Variants in MAP4K5 observed in about 807,000 individuals in gnomAD.
MAP4K5 encodes the protein mitogen-activated protein kinase kinase kinase kinase 5.
A neutral mutation model predicts 135.6 loss-of-function variants in MAP4K5; 82 were observed. The observed-to-expected ratio is 0.60, with a 90% CI of 0.51 to 0.73. The LOEUF (loss-of-function observed/expected upper bound fraction) is 0.73, where lower values mean the gene tolerates loss of function less well. Ranked by LOEUF, MAP4K5 falls within the 30% of genes least tolerant of loss-of-function variation. The pLI is 0.00. For synonymous variants in MAP4K5, 347 were observed against 335.0 expected (o/e 1.04, Z -0.39); for missense variants, 907 against 1,010.9 (o/e 0.90, Z 1.39).
chr14:50,501,912 A>G (rs1444279046), intron 3 of MAP4K5, among the ~76,000 whole-genome samples: 1 of 152,192 alleles, frequency 6.6e-6, no homozygotes, highest in Non-Finnish European at 1.5e-5. Context: ...TCTCTTCTAC[A>G]TTCCTATCCT....
At chr14:50,437,065 C>G (rs1406073421) in intron 26 of MAP4K5, among the ~76,000 whole-genome samples, 1 of 152,112 alleles carries the variant, frequency 6.6e-6, no homozygotes. Flanking sequence ...TGGGAATCCC[C>G]TAACTTGCAA....
chr14:50,536,159 T>C (rs1158749433), upstream of MAP4K5, among the ~76,000 whole-genome samples: 3 of 152,214 alleles, frequency 2.0e-5, no homozygotes, highest in East Asian at 1.9e-4. Flanking sequence ...ATACATTAAA[T>C]TGAGGTCTGG....
chr14:50,449,266 T>C (rs1474773954), intron 14 of MAP4K5: 1 of 155,008 alleles, frequency 6.5e-6, no homozygotes, highest in African/African-American at 2.4e-5. Context: ...CAATTAAATG[T>C]CACAATGGCA....
chr14:50,462,555 C>T lies in MAP4K5; in HGVS notation c.936+110G>A, dbSNP rs544707638. ...ACATTATTAATCTCTGTAGCTAAAC[C>T]TGTTTTAACTAAGTTAAAAGATAGA... is the stretch of plus-strand genomic sequence containing the variant. On this transcript the variant is annotated intron_variant, in intron 13 of 32. Coordinates refer to ENST00000682126, the MANE Select transcript of MAP4K5 (RefSeq NM_006575.6). 6 of 709,228 alleles carry T rather than the reference C, an allele frequency of 8.5e-6. No individual in the cohort carries two copies. In the South Asian group the frequency reaches 9.8e-5, roughly 12 times the overall value. The allele number at this position is 709,228 out of a possible 1,614,324, so 43.9% of individuals were successfully genotyped here.
chr14:50,557,075 A>G (rs1349186635), intron 1 of MAP4K5, among the ~76,000 whole-genome samples: 1 of 152,198 alleles, frequency 6.6e-6, no homozygotes, highest in East Asian at 1.9e-4. Context: ...ACTTTTTCCC[A>G]AAGTATCTGC....
intron 3 of MAP4K5, among the ~76,000 whole-genome samples, chr14:50,493,931 T>C (rs1309938780): frequency 6.6e-6 from 1 of 150,430 alleles, no homozygotes; most frequent in Non-Finnish European, 1.5e-5. Context: ...GAGGTTGCAG[T>C]GAGCTGAGAT....
In MAP4K5 at chr14:50,444,566, C is replaced by T. The variant is rs567609695; in HGVS notation, c.1339+475G>A. Among the ~76,000 whole-genome samples, 153 of 152,018 alleles carry T rather than the reference C, an allele frequency of 1.0e-3. 1 individual carries two copies. Among genetic ancestry groups the T allele is most frequent in the African/African-American group, 3.1e-3 (130 of 41,468 alleles). ...GGGTCTGAGATTAGCCTGGGCAACA[C>T]GGCGAAACCCCATCTCTACAGAAAA... On this transcript the variant is annotated intron_variant, in intron 18 of 32. Coordinates refer to ENST00000682126, the MANE Select transcript of MAP4K5 (RefSeq NM_006575.6).
intron 14 of MAP4K5, among the ~76,000 whole-genome samples, chr14:50,453,294 A>T (rs903383827): frequency 6.6e-6 from 1 of 152,056 alleles, no homozygotes; most frequent in Non-Finnish European, 1.5e-5. Flanking sequence ...AAGAAAAAAA[A>T]TTAGGTAATT....
At chr14:50,449,045 T>C in intron 14 of MAP4K5, 1 of 472,488 alleles carries the variant, frequency 2.1e-6, no homozygotes, top group Non-Finnish European at 3.7e-6. Flanking sequence ...CTCTACTTAA[T>C]TCTTGTTTGG....
chr14:50,461,934 A>G (rs1429040143), intron 13 of MAP4K5, among the ~76,000 whole-genome samples: 1 of 152,050 alleles, frequency 6.6e-6, no homozygotes, highest in Non-Finnish European at 1.5e-5. Context: ...AAAAAAAGAA[A>G]ATACATTAAA....
intron 28 of MAP4K5, 73 bp from the exon 29 acceptor site, chr14:50,429,333 A>C: frequency 1.1e-6 from 1 of 875,710 alleles, no homozygotes; most frequent in Non-Finnish European, 1.8e-6. Context: ...ATAAATTCTG[A>C]CTTTTGCTGT....
At chr14:50,553,707 C>G (rs554196601) in intron 1 of MAP4K5, among the ~76,000 whole-genome samples, 44 of 152,278 alleles carry the variant, frequency 2.9e-4, no homozygotes, top group Middle Eastern at 3.4e-3. Context: ...AAGCTAAATG[C>G]CCATCAACCA....
intron 1 of MAP4K5, chr14:50,560,394 G>T: frequency 6.7e-7 from 1 of 1,492,694 alleles, no homozygotes; most frequent in Non-Finnish European, 9.1e-7. Context: ...AGGGCTGCTA[G>T]GTGCCTGCGT....
chr14:50,518,586 G>A (rs1215223974), intron 2 of MAP4K5, among the ~76,000 whole-genome samples: 3 of 152,190 alleles, frequency 2.0e-5, no homozygotes, highest in Non-Finnish European at 4.4e-5. Flanking sequence ...TCCCATGGAA[G>A]GAGGCTATAC....
chr14:50,463,891 CAAAAAAAAAAAAAAAAAAAAAAAAAA>C (rs56877870), intron 12 of MAP4K5, among the ~76,000 whole-genome samples, 135 bp downstream of exon 12: 19 of 70,408 alleles, frequency 2.7e-4, no homozygotes, highest in African/African-American at 1.1e-3. Flanking sequence ...ACCCTGTTTC[CAAAAAAAAAAAAAAAAAAAAAAAAAA>C]AAAAAAAAAA....
At chr14:50,457,831 T>G (rs957763908) in intron 13 of MAP4K5, among the ~76,000 whole-genome samples, 1 of 152,194 alleles carries the variant, frequency 6.6e-6, no homozygotes, top group Non-Finnish European at 1.5e-5. Context: ...ACATCTCTCC[T>G]TATCCAGTTT....
Position 50,532,023 on chromosome 14 carries a change from C to G in MAP4K5, c.27G>C (p.Ala9=), listed in dbSNP as rs1361777051. MEAPLRPA[A]DILRRNPQQD... is the part of the protein sequence containing the mutation. The stretch of plus-strand genomic sequence containing the variant: ...GCTGCGGGTTCCGCCTCAGGATGTC[C>G]GCGGCAGGCCGCAGCGGGGCCTCCA... The change falls in exon 2 of 33, where the codon GCG becomes GCC. Residue 9 remains alanine, a synonymous_variant. Coordinates refer to ENST00000682126, the MANE Select transcript of MAP4K5 (RefSeq NM_006575.6). 2.5e-6 allele frequency: 4 copies of G among 1,583,248 alleles called. No homozygotes were observed. In the East Asian group the frequency reaches 7.0e-5, roughly 28 times the overall value.
chr14:50,429,313 G>C lies in MAP4K5; in HGVS notation c.2165-53C>G, dbSNP rs1295882954. 5 of 1,045,166 alleles carry C rather than the reference G, an allele frequency of 4.8e-6. No homozygotes were observed. In the East Asian group the frequency reaches 1.3e-4, roughly 27 times the overall value. 64.7% of individuals were successfully genotyped at this position (1,045,166 alleles called of 1,614,324 possible). A position where few individuals can be genotyped will look rare whatever the true frequency, so the allele number is the denominator to read the frequency against. On this transcript the variant is annotated intron_variant, in intron 28 of 32. Coordinates refer to ENST00000682126, the MANE Select transcript of MAP4K5 (RefSeq NM_006575.6). Reference sequence around the variant, plus strand: ...TTATACTTTTAAAACCTAGAGCCTAGAAAATAAACATAAATTCTGACTTTT... The same window carrying C: ...TTATACTTTTAAAACCTAGAGCCTACAAAATAAACATAAATTCTGACTTTT...
intron 14 of MAP4K5, among the ~76,000 whole-genome samples, chr14:50,451,583 A>G (rs949933363): frequency 3.3e-5 from 5 of 152,162 alleles, no homozygotes; most frequent in African/African-American, 9.7e-5. Context: ...TTTTTTAAAA[A>G]CTGAGTTGAT....
Sources: gnomAD v4.1 joint callset for allele counts (sites outside exome capture counted in the v4.1 genomes callset) on GRCh38, gnomAD v4.1.1 for gene constraint, MANE v1.5 for transcripts, NCBI Gene and HGNC (gene_info 2026-07-23, HGNC 2026-07-21) for gene names.